ARHGEF28: variants seen among roughly 807,000 people sequenced by gnomAD.
The protein encoded by ARHGEF28 is 190 kDa guanine nucleotide exchange factor.
Under a neutral mutation model 206.6 loss-of-function variants are expected in ARHGEF28, and 152 were observed. The ratio of observed to expected loss-of-function variants is 0.74; its 90% CI spans 0.64 to 0.84. The LOEUF (loss-of-function observed/expected upper bound fraction) is 0.84, where lower values mean the gene tolerates loss of function less well. ARHGEF28 is among the 40% of genes least tolerant of loss of function. ARHGEF28 has a pLI of 0.00. For missense variants in ARHGEF28, 2,028 were observed against 2,073.2 expected (o/e 0.98, Z 0.42); for synonymous variants, 763 against 776.4 (o/e 0.98, Z 0.29).
chr5:73,845,011 A>ATTTTTTTT (rs70973277), intron 11 of ARHGEF28, among the ~76,000 whole-genome samples: 55 of 99,360 alleles, frequency 5.5e-4, no homozygotes, highest in African/African-American at 2.1e-3. Context: ...CAAAGGAATC[A>ATTTTTTTT]TTTTTTTTTT....
chr5:73,737,216 CT>C (rs1197395761), intron 2 of ARHGEF28, among the ~76,000 whole-genome samples: 1 of 152,124 alleles, frequency 6.6e-6, no homozygotes, highest in East Asian at 1.9e-4. Context: ...TCCCCTCCTC[CT>C]TTTTACAAAA....
intron 11 of ARHGEF28, among the ~76,000 whole-genome samples, chr5:73,845,779 G>A (rs1379936504): frequency 6.6e-6 from 1 of 151,954 alleles, no homozygotes; most frequent in African/African-American, 2.4e-5. Context: ...TGGATCCATT[G>A]AGCCCAGGAG....
intron 24 of ARHGEF28, 75 bp downstream of exon 24, chr5:73,883,959 C>T: frequency 1.2e-6 from 1 of 820,894 alleles, no homozygotes; most frequent in South Asian, 2.7e-5. Flanking sequence ...TCTAAACAGC[C>T]ATCAGTGTTT....
intron 2 of ARHGEF28, among the ~76,000 whole-genome samples, chr5:73,720,751 C>T (rs1383733607): frequency 6.6e-6 from 1 of 152,136 alleles, no homozygotes; most frequent in Non-Finnish European, 1.5e-5. Context: ...TCCTGCTGAC[C>T]GATTGCTCCT....
chr5:73,666,257 G>A (rs1342108385), intron 1 of ARHGEF28, among the ~76,000 whole-genome samples: 1 of 152,198 alleles, frequency 6.6e-6, no homozygotes, highest in East Asian at 1.9e-4. Flanking sequence ...TTGGCACACT[G>A]GGGTGGGGGT....
At chr5:73,824,449 CAA>C (rs771378695) in intron 9 of ARHGEF28, among the ~76,000 whole-genome samples, 12 of 150,898 alleles carry the variant, frequency 8.0e-5, no homozygotes, top group Non-Finnish European at 1.5e-4. Context: ...GGGGAATAGA[CAA>C]TACTCACTGG....
At chr5:73,703,423 T>A (rs1224089907) in intron 2 of ARHGEF28, among the ~76,000 whole-genome samples, 2 of 152,102 alleles carry the variant, frequency 1.3e-5, no homozygotes, top group African/African-American at 4.8e-5. Context: ...AGGACGGCAC[T>A]CAGGTGGATC....
In ARHGEF28 at chr5:73,684,842, T is replaced by C; in HGVS notation, c.-10T>C. 3 of 1,608,926 alleles carry C rather than the reference T, an allele frequency of 1.9e-6. No individual in the cohort carries two copies. Among genetic ancestry groups the C allele is most frequent in the Non-Finnish European group, 2.5e-6 (3 of 1,177,428 alleles). On this transcript the variant is annotated splice_region_variant and 5_prime_UTR_variant, in exon 2 of 36. An upstream start codon of the reference 5' UTR is lost. Transcript: ENST00000513042. ...TCTTGTTTATTATTTTCATTGCAGATGCGAAAGCCATGGAGTTGAGCTGCA... is the reference window on the plus strand; with the variant it reads ...TCTTGTTTATTATTTTCATTGCAGACGCGAAAGCCATGGAGTTGAGCTGCA...
intron 4 of ARHGEF28, among the ~76,000 whole-genome samples, chr5:73,758,467 T>TAACAA (rs1483916264): frequency 1.3e-5 from 2 of 152,258 alleles, no homozygotes; most frequent in East Asian, 3.8e-4. Context: ...AAAGGTCTCC[T>TAACAA]AACAGGCAGA....
At chr5:73,893,006 T>A (rs1761738648) in intron 27 of ARHGEF28, among the ~76,000 whole-genome samples, 191 bp from the exon 28 acceptor site, 1 of 152,208 alleles carries the variant, frequency 6.6e-6, no homozygotes, top group African/African-American at 2.4e-5. Context: ...GAGAGCCATG[T>A]AATGTTATGC....
chr5:73,796,525 A>G (rs1055123889), intron 9 of ARHGEF28, among the ~76,000 whole-genome samples: 2 of 152,240 alleles, frequency 1.3e-5, no homozygotes, highest in Non-Finnish European at 2.9e-5. Flanking sequence ...CTGTGCCAAC[A>G]CACGACAGAG....
intron 2 of ARHGEF28, among the ~76,000 whole-genome samples, chr5:73,745,560 G>A (rs1431594372): frequency 6.6e-6 from 1 of 152,032 alleles, no homozygotes; most frequent in Non-Finnish European, 1.5e-5. Context: ...GGTAAAAAAT[G>A]TTAGTTTAAT....
Position 73,941,877 on chromosome 5 carries a change from G to T in ARHGEF28, c.*864G>T, listed in dbSNP as rs1381447982. ...TACACTTTTCCACAAAGGAAAACTG[G>T]CATATCCTGCCTTCCGAGTAGTATG... On this transcript the variant is annotated 3_prime_UTR_variant, in exon 36 of 36. Transcript: ENST00000513042. 1 of 152,094 alleles carries T rather than the reference G, an allele frequency of 6.6e-6. No individual in the cohort carries two copies. The highest frequency in any genetic ancestry group is 2.4e-5 in the African/African-American group (1 of 41,414). 9.4% of individuals were successfully genotyped at this position (152,094 alleles called of 1,614,324 possible).
At chr5:73,660,090 G>C (rs1745493902) in intron 1 of ARHGEF28, among the ~76,000 whole-genome samples, 1 of 152,082 alleles carries the variant, frequency 6.6e-6, no homozygotes. Context: ...TTTTATTCAT[G>C]GTAATACTTC....
At chr5:73,813,502 T>C in intron 9 of ARHGEF28, 4 of 1,519,988 alleles carry the variant, frequency 2.6e-6, no homozygotes, top group African/African-American at 2.8e-5. Flanking sequence ...TTACATCACA[T>C]GGGGAGGCTT....
In ARHGEF28 at chr5:73,941,081, C is replaced by T; in HGVS notation, c.*68C>T. 1 of 1,353,466 alleles carries T rather than the reference C, an allele frequency of 7.4e-7. No individual in the cohort carries two copies. The highest frequency in any genetic ancestry group is 1.7e-5 in the South Asian group (1 of 59,078). The allele number at this position is 1,353,466 out of a possible 1,614,324, so 83.8% of individuals were successfully genotyped here. A position where few individuals can be genotyped will look rare whatever the true frequency, so the allele number is the denominator to read the frequency against. On this transcript the variant is annotated 3_prime_UTR_variant, in exon 36 of 36. Transcript: ENST00000513042. Reference sequence around the variant, plus strand: ...TTGGGAGAAACTTTTTGTCTCCATTCCTTATGTATGTGTGATTGTCTGTGT... The same window carrying T: ...TTGGGAGAAACTTTTTGTCTCCATTTCTTATGTATGTGTGATTGTCTGTGT...
At chr5:73,755,256 A>G (rs888220565) in intron 4 of ARHGEF28, among the ~76,000 whole-genome samples, 2 of 152,062 alleles carry the variant, frequency 1.3e-5, no homozygotes, top group Non-Finnish European at 2.9e-5. Context: ...AAGAAACTTC[A>G]TCTTAAGCCT....
intron 35 of ARHGEF28, among the ~76,000 whole-genome samples, chr5:73,930,363 A>T (rs578018780): frequency 7.9e-5 from 12 of 152,296 alleles, no homozygotes; most frequent in African/African-American, 2.9e-4. Flanking sequence ...ATATCATTTC[A>T]TTTTTATTGG....
At chr5:73,856,056 A>G (rs1288082057) in intron 14 of ARHGEF28, among the ~76,000 whole-genome samples, 4 of 152,146 alleles carry the variant, frequency 2.6e-5, no homozygotes, top group African/African-American at 4.8e-5. Context: ...GTGGGGTCAA[A>G]AAAGGCCTTC....
Sources: allele counts gnomAD v4.1 joint callset (sites outside exome capture counted in the v4.1 genomes callset), GRCh38; gene constraint gnomAD v4.1.1; transcripts MANE v1.5; gene names NCBI Gene and HGNC (gene_info 2026-07-23, HGNC 2026-07-21).